Variants in CNTN4 observed in about 807,000 individuals in gnomAD.
The protein encoded by CNTN4 is contactin 4.
CNTN4 carries 77 observed loss-of-function variants against 122.5 expected under a neutral mutation model. That is an observed-to-expected ratio of 0.63 (90% CI 0.52 to 0.76). The LOEUF is 0.76. CNTN4 is among the 30% of genes least tolerant of loss of function. CNTN4 has a pLI of 0.00. For missense variants in CNTN4, 1,256 were observed against 1,259.1 expected, an observed-to-expected ratio of 1.00 and a Z score of 0.04; for synonymous variants, 512 against 447.0, an observed-to-expected ratio of 1.15 and a Z score of -1.83.
chr3:2,935,107 C>T (rs959470681), intron 13 of CNTN4, among the ~76,000 whole-genome samples: 1 of 152,192 alleles, frequency 6.6e-6, no homozygotes, highest in African/African-American at 2.4e-5. Flanking sequence ...AACTTACCCT[C>T]AGCCAAAGCC....
intron 15 of CNTN4, among the ~76,000 whole-genome samples, chr3:3,028,328 G>A (rs1400256251): frequency 6.6e-6 from 1 of 152,076 alleles, no homozygotes; most frequent in Non-Finnish European, 1.5e-5. Flanking sequence ...TTAGTTAATA[G>A]TTGGGTCTGG....
rs142739360 is a variant in CNTN4 at position 2,257,497 on chromosome 3, C to T, written c.-144-81681C>T. On this transcript the variant is annotated intron_variant, in intron 2 of 24. Coordinates refer to ENST00000418658, the MANE Select transcript of CNTN4 (RefSeq NM_175607.3). The stretch of plus-strand genomic sequence containing the variant: ...CAAAAGAAACTATCATCAGAGTGAA[C>T]AGGCAACACAGTATAAGAGAAAATT... 2.0e-5 allele frequency among the ~76,000 whole-genome samples: 3 copies of T among 151,950 alleles called. No homozygotes were observed. In the South Asian group the frequency reaches 6.2e-4, roughly 31 times the overall value.
intron 3 of CNTN4, among the ~76,000 whole-genome samples, chr3:2,520,609 C>T (rs2077178811): frequency 2.0e-5 from 3 of 151,966 alleles, no homozygotes; most frequent in Admixed American, 1.3e-4. Context: ...TTGATACTCA[C>T]TGATTAATTG....
At chr3:2,567,205 G>A (rs2079206396) in intron 3 of CNTN4, among the ~76,000 whole-genome samples, 2 of 151,166 alleles carry the variant, frequency 1.3e-5, no homozygotes, top group South Asian at 4.2e-4. Flanking sequence ...TCCTGCCTCA[G>A]CCTCCCTAGT....
Position 2,180,053 on chromosome 3 carries a change from TGC to T in CNTN4, c.-145+79415_-145+79416del, listed in dbSNP as rs1435858312. Among the ~76,000 whole-genome samples, 247 of 152,106 alleles carry T rather than the reference TGC, an allele frequency of 1.6e-3. 1 individual carries two copies. Among genetic ancestry groups the T allele is most frequent in the African/African-American group, 5.8e-3 (241 of 41,548 alleles). On this transcript the variant is annotated intron_variant, in intron 2 of 24. Transcript: ENST00000418658. ...TCCATAGCCATAGGTAGCTTATGGC[TGC>T]TGAATTAGATGGTGCATATATGTTG...
intron 2 of CNTN4, among the ~76,000 whole-genome samples, chr3:2,299,589 A>G (rs181293430): frequency 1.3e-5 from 2 of 152,206 alleles, no homozygotes; most frequent in Admixed American, 1.3e-4. Context: ...CTGATGCTTA[A>G]TTTCTATTTT....
chr3:2,830,660 A>G (rs1045535332), intron 7 of CNTN4, among the ~76,000 whole-genome samples: 1 of 152,206 alleles, frequency 6.6e-6, no homozygotes, highest in African/African-American at 2.4e-5. Context: ...AACAACATGA[A>G]TCTGGCTGAG....
chr3:2,353,731 TA>T (rs1437788245), intron 3 of CNTN4, among the ~76,000 whole-genome samples: 1 of 152,066 alleles, frequency 6.6e-6, no homozygotes, highest in Non-Finnish European at 1.5e-5. Context: ...CCGTCTCTAC[TA>T]AAAACACAAA....
At chr3:2,649,495 A>G (rs2150179933) in intron 4 of CNTN4, among the ~76,000 whole-genome samples, 1 of 152,310 alleles carries the variant, frequency 6.6e-6, no homozygotes, top group South Asian at 2.1e-4. Context: ...ATAACAGTAC[A>G]TCTGTTTACA....
intron 2 of CNTN4, among the ~76,000 whole-genome samples, chr3:2,117,814 T>C (rs1319634099): frequency 6.6e-6 from 1 of 152,202 alleles, no homozygotes; most frequent in Non-Finnish European, 1.5e-5. Flanking sequence ...TGCGATGTAA[T>C]GTTCTTTGGA....
chr3:2,802,117 TC>T (rs2092362550), intron 6 of CNTN4, among the ~76,000 whole-genome samples: 1 of 152,232 alleles, frequency 6.6e-6, no homozygotes. Flanking sequence ...TTTTTCATAA[TC>T]ATTTTTATGC....
chr3:2,598,323 A>T (rs548749013), intron 4 of CNTN4, among the ~76,000 whole-genome samples: 4 of 152,168 alleles, frequency 2.6e-5, no homozygotes, highest in African/African-American at 9.6e-5. Context: ...ACAATTGCAT[A>T]CTCTTAATCA....
chr3:2,110,688 T>A (rs953725155), intron 2 of CNTN4: 5 of 152,128 alleles, frequency 3.3e-5, no homozygotes, highest in African/African-American at 1.2e-4. Flanking sequence ...GTAAACAGAT[T>A]CGGAGTGAGA....
chr3:2,397,030 G>C (rs1390726792), intron 3 of CNTN4, among the ~76,000 whole-genome samples: 2 of 152,176 alleles, frequency 1.3e-5, no homozygotes, highest in African/African-American at 2.4e-5. Flanking sequence ...CAAGGGTTTT[G>C]ATTGTTTTGA....
chr3:2,512,376 C>A (rs558965200), intron 3 of CNTN4, among the ~76,000 whole-genome samples: 7 of 152,164 alleles, frequency 4.6e-5, no homozygotes, highest in Admixed American at 2.0e-4. Flanking sequence ...CAAAAAAAAT[C>A]ACTTTAAATT....
At chr3:2,249,373 T>A (rs1191530773) in intron 2 of CNTN4, among the ~76,000 whole-genome samples, 1 of 151,974 alleles carries the variant, frequency 6.6e-6, no homozygotes, top group Non-Finnish European at 1.5e-5. Context: ...TAAAATAATC[T>A]TCCGACCTCT....
chr3:2,976,147 A>G (rs921436534), intron 13 of CNTN4, among the ~76,000 whole-genome samples: 1 of 152,178 alleles, frequency 6.6e-6, no homozygotes, highest in Non-Finnish European at 1.5e-5. Flanking sequence ...AGCCCAAGAA[A>G]AGCATTTCTC....
chr3:2,916,790 C>A (rs1345523327), intron 12 of CNTN4, among the ~76,000 whole-genome samples: 2 of 149,770 alleles, frequency 1.3e-5, no homozygotes, highest in South Asian at 4.3e-4. Flanking sequence ...GGCAGAGGGG[C>A]CCCCCACCTC....
At chr3:2,440,105 G>A (rs1309626288) in intron 3 of CNTN4, among the ~76,000 whole-genome samples, 1 of 152,030 alleles carries the variant, frequency 6.6e-6, no homozygotes, top group Non-Finnish European at 1.5e-5. Flanking sequence ...GATATGCTTG[G>A]CATTCAGTCA....
Sources: gnomAD v4.1 joint callset for allele counts (sites outside exome capture counted in the v4.1 genomes callset) on GRCh38, gnomAD v4.1.1 for gene constraint, MANE v1.5 for transcripts, NCBI Gene and HGNC (gene_info 2026-07-23, HGNC 2026-07-21) for gene names.